EPB41L4A: variants seen among roughly 807,000 people sequenced by gnomAD.
The protein encoded by EPB41L4A is band 4.1-like protein 4A.
In EPB41L4A, 100 loss-of-function variants were observed where a neutral mutation model predicts 108.6. The observed-to-expected ratio is 0.92, with a 90% CI of 0.78 to 1.09. The LOEUF (loss-of-function observed/expected upper bound fraction) is 1.09. Among genes scored for constraint, EPB41L4A ranks in the 50% least tolerant of loss-of-function variants. The pLI is 0.00. For synonymous variants in EPB41L4A, 319 were observed against 289.0 expected, an observed-to-expected ratio of 1.10 and a Z score of -1.05; for missense variants, 1,030 against 842.7, an observed-to-expected ratio of 1.22 and a Z score of -2.75.
chr5:112,393,452 A>G (rs1761094007), intron 1 of EPB41L4A, among the ~76,000 whole-genome samples: 3 of 152,228 alleles, frequency 2.0e-5, no homozygotes, highest in African/African-American at 7.2e-5. Context: ...ATCAAAGAAT[A>G]CTATAGACAC....
intron 1 of EPB41L4A, among the ~76,000 whole-genome samples, chr5:112,334,874 T>G (rs1395075863): frequency 2.0e-5 from 3 of 151,656 alleles, no homozygotes; most frequent in African/African-American, 7.3e-5. Flanking sequence ...ACAGTGAGTA[T>G]AAGAAAATAA....
intron 1 of EPB41L4A, among the ~76,000 whole-genome samples, chr5:112,391,259 G>A (rs2112671901): frequency 6.6e-6 from 1 of 152,254 alleles, no homozygotes; most frequent in South Asian, 2.1e-4. Context: ...CAGAAGGCTG[G>A]TAATAACAAA....
At chr5:112,270,554 A>C (rs893098554) in intron 4 of EPB41L4A, among the ~76,000 whole-genome samples, 9 of 152,240 alleles carry the variant, frequency 5.9e-5, no homozygotes, top group African/African-American at 2.2e-4. Flanking sequence ...TTTAAAACCA[A>C]TGATGAAAAT....
At chr5:112,377,333 T>C (rs1336645209) in intron 1 of EPB41L4A, among the ~76,000 whole-genome samples, 1 of 152,144 alleles carries the variant, frequency 6.6e-6, no homozygotes, top group Non-Finnish European at 1.5e-5. Flanking sequence ...TTGTAAGAAG[T>C]TACCATTGAG....
intron 1 of EPB41L4A, among the ~76,000 whole-genome samples, chr5:112,373,961 A>T (rs1293423306): frequency 1.3e-5 from 2 of 152,248 alleles, no homozygotes; most frequent in Non-Finnish European, 2.9e-5. Flanking sequence ...AAGAGAAAAC[A>T]TTCATTTTTC....
chr5:112,250,383 CA>C (rs1399659919), intron 9 of EPB41L4A, among the ~76,000 whole-genome samples: 2 of 152,082 alleles, frequency 1.3e-5, no homozygotes, highest in African/African-American at 4.8e-5. Flanking sequence ...CATAGAAGTC[CA>C]AATGGATTTT....
rs376724494 is a variant in EPB41L4A, at chr5:112,419,089, C to G, written c.-50G>C. On this transcript the variant is annotated 5_prime_UTR_variant, in exon 1 of 23. Coordinates refer to ENST00000261486, the MANE Select transcript of EPB41L4A (RefSeq NM_022140.5). ...GGAGAGAAAGCTACCACCGAGGCGC[C>G]CAGCCGCCCCCTCCACTCAAGCGCG... The G allele has an allele frequency of 2.9e-6, 4 of 1,378,064 alleles. No homozygotes were observed. In the African/African-American group the frequency reaches 5.7e-5, roughly 20 times the overall value. 85.4% of individuals were successfully genotyped at this position (1,378,064 alleles called of 1,614,324 possible).
intron 1 of EPB41L4A, among the ~76,000 whole-genome samples, chr5:112,386,818 G>A (rs1358227072): frequency 6.6e-6 from 1 of 152,176 alleles, no homozygotes; most frequent in Non-Finnish European, 1.5e-5. Flanking sequence ...GGCACAACGG[G>A]AATAGAAAGT....
chr5:112,360,701 T>C (rs1360775670), intron 1 of EPB41L4A, among the ~76,000 whole-genome samples: 1 of 152,134 alleles, frequency 6.6e-6, no homozygotes, highest in Non-Finnish European at 1.5e-5. Flanking sequence ...CCACCCCGTC[T>C]AAGAAGTGAG....
chr5:112,319,362 G>C (rs1755623299), intron 1 of EPB41L4A, among the ~76,000 whole-genome samples: 1 of 152,106 alleles, frequency 6.6e-6, no homozygotes, highest in Non-Finnish European at 1.5e-5. Context: ...AAAAAGAAGA[G>C]AAATGTGTCC....
intron 1 of EPB41L4A, among the ~76,000 whole-genome samples, chr5:112,394,085 T>G (rs1416357968): frequency 6.6e-6 from 1 of 152,224 alleles, no homozygotes; most frequent in South Asian, 2.1e-4. Flanking sequence ...TGATAGGATG[T>G]AACTCAAAAT....
intron 1 of EPB41L4A, among the ~76,000 whole-genome samples, chr5:112,378,471 T>A (rs987166980): frequency 1.3e-5 from 2 of 152,234 alleles, no homozygotes; most frequent in African/African-American, 4.8e-5. Flanking sequence ...ATATAAATTA[T>A]ATCTTAACAA....
chr5:112,190,723 C>T (rs544718678), intron 17 of EPB41L4A, among the ~76,000 whole-genome samples: 2 of 152,234 alleles, frequency 1.3e-5, no homozygotes, highest in Middle Eastern at 3.4e-3. Flanking sequence ...CACTCCCTGC[C>T]AACTTTAAAG....
intron 1 of EPB41L4A, among the ~76,000 whole-genome samples, chr5:112,357,658 A>G (rs973873244): frequency 2.0e-5 from 3 of 152,214 alleles, no homozygotes; most frequent in Admixed American, 1.3e-4. Flanking sequence ...TAACTAGTAC[A>G]TTTGCTTGTC....
intron 1 of EPB41L4A, among the ~76,000 whole-genome samples, chr5:112,327,952 T>C (rs181884421): frequency 9.2e-5 from 14 of 152,286 alleles, no homozygotes; most frequent in Non-Finnish European, 1.2e-4. Flanking sequence ...TTGTTTCTGT[T>C]CATCCCTTTT....
At chr5:112,387,392 C>T (rs1344509706) in intron 1 of EPB41L4A, among the ~76,000 whole-genome samples, 1 of 152,062 alleles carries the variant, frequency 6.6e-6, no homozygotes, top group East Asian at 1.9e-4. Flanking sequence ...TTTGGGAGGC[C>T]GAGGCGGGCA....
chr5:112,151,502 G>A (rs529514173), intron 12 of EPB41L4A, among the ~76,000 whole-genome samples: 2 of 151,880 alleles, frequency 1.3e-5, no homozygotes, highest in Admixed American at 6.6e-5. Flanking sequence ...CAACCTCCAG[G>A]GTTCAAGTGA....
upstream of EPB41L4A, chr5:112,419,816 C>G (rs945810101): frequency 2.6e-5 from 12 of 456,606 alleles, no homozygotes; most frequent in Non-Finnish European, 5.3e-5. Context: ...CCGGGGACTC[C>G]CGAGCTCATT....
chr5:112,282,455 A>G (rs1324020379), intron 2 of EPB41L4A, among the ~76,000 whole-genome samples: 1 of 152,240 alleles, frequency 6.6e-6, no homozygotes, highest in Non-Finnish European at 1.5e-5. Flanking sequence ...ACAAATTACC[A>G]CAAGCTTAGA....
Sources: gnomAD v4.1 joint callset for allele counts (sites outside exome capture counted in the v4.1 genomes callset) on GRCh38, gnomAD v4.1.1 for gene constraint, MANE v1.5 for transcripts, NCBI Gene and HGNC (gene_info 2026-07-23, HGNC 2026-07-21) for gene names.